Variants in PXDNL observed in about 807,000 individuals in gnomAD.
PXDNL encodes the protein peroxidasin like.
Under a neutral mutation model 150.8 loss-of-function variants are expected in PXDNL, and 145 were observed. That is an observed-to-expected ratio of 0.96 (90% confidence interval 0.84 to 1.10). The LOEUF (loss-of-function observed/expected upper bound fraction) is 1.10. Ranked by LOEUF, PXDNL falls within the 50% of genes least tolerant of loss-of-function variation. PXDNL has a pLI of 0.00. For synonymous variants in PXDNL, 757 were observed against 725.7 expected (o/e 1.04, Z -0.69); for missense variants, 2,087 against 1,873.9 (o/e 1.11, Z -2.10).
At chr8:51,712,227 G>C (rs920516300) in intron 1 of PXDNL, among the ~76,000 whole-genome samples, 2 of 151,952 alleles carry the variant, frequency 1.3e-5, no homozygotes, top group African/African-American at 4.8e-5. Flanking sequence ...CCTGAGGAGG[G>C]AACTCAGATA....
intron 21 of PXDNL, among the ~76,000 whole-genome samples, chr8:51,334,697 A>C (rs1805789094): frequency 6.6e-6 from 1 of 152,160 alleles, no homozygotes; most frequent in African/African-American, 2.4e-5. Context: ...ACACCTATAC[A>C]CATATAAAGT....
chr8:51,360,438 C>T (rs1276918573), intron 19 of PXDNL, among the ~76,000 whole-genome samples: 1 of 152,176 alleles, frequency 6.6e-6, no homozygotes, highest in Non-Finnish European at 1.5e-5. Context: ...GTGCACATAG[C>T]TATACATGCC....
intron 22 of PXDNL, 44 bp downstream of exon 22, chr8:51,320,740 A>G: frequency 1.5e-6 from 2 of 1,308,800 alleles, no homozygotes; most frequent in Middle Eastern, 1.8e-4. Flanking sequence ...CTGGCTGGCT[A>G]GAAGTGAAAT....
chr8:51,520,015 A>T (rs577610797), intron 4 of PXDNL, among the ~76,000 whole-genome samples: 9 of 152,222 alleles, frequency 5.9e-5, no homozygotes, highest in South Asian at 4.2e-4. Context: ...GGGAATTTGG[A>T]GGAGTTGCTG....
intron 4 of PXDNL, among the ~76,000 whole-genome samples, chr8:51,513,377 C>A (rs1811466934): frequency 6.6e-6 from 1 of 152,194 alleles, no homozygotes; most frequent in Admixed American, 6.5e-5. Context: ...CCACCCCGAG[C>A]ATGAAGGTGG....
intron 19 of PXDNL, among the ~76,000 whole-genome samples, chr8:51,360,296 C>A (rs1220131895): frequency 2.0e-5 from 3 of 152,130 alleles, no homozygotes; most frequent in African/African-American, 4.8e-5. Flanking sequence ...TGCATACACC[C>A]ATACATGTGC....
chr8:51,730,902 C>T (rs1816904446), intron 1 of PXDNL, among the ~76,000 whole-genome samples: 1 of 152,106 alleles, frequency 6.6e-6, no homozygotes, highest in Admixed American at 6.6e-5. Context: ...ACAAGAAAGA[C>T]CCACCCCCAT....
At chr8:51,727,172 C>T (rs1475863361) in intron 1 of PXDNL, among the ~76,000 whole-genome samples, 1 of 152,194 alleles carries the variant, frequency 6.6e-6, no homozygotes, top group South Asian at 2.1e-4. Context: ...TAAGTGCAGA[C>T]TAGGAACAAG....
At chr8:51,715,145 ACAACT>A (rs1816587806) in intron 1 of PXDNL, among the ~76,000 whole-genome samples, 1 of 152,240 alleles carries the variant, frequency 6.6e-6, no homozygotes, top group African/African-American at 2.4e-5. Context: ...TAAAACTCTG[ACAACT>A]CAACAACAAA....
chr8:51,773,451 A>T (rs1218289078), intron 1 of PXDNL, among the ~76,000 whole-genome samples: 1 of 152,160 alleles, frequency 6.6e-6, no homozygotes, highest in Non-Finnish European at 1.5e-5. Flanking sequence ...TCACTGCATA[A>T]TGCTACTAAT....
At chr8:51,335,854 C>T (rs1805819932) in intron 21 of PXDNL, among the ~76,000 whole-genome samples, 1 of 152,122 alleles carries the variant, frequency 6.6e-6, no homozygotes, top group African/African-American at 2.4e-5. Context: ...ATATAATTTA[C>T]TGGGCCCAAC....
At chr8:51,328,413 C>T (rs911332950) in intron 21 of PXDNL, among the ~76,000 whole-genome samples, 12 of 152,192 alleles carry the variant, frequency 7.9e-5, no homozygotes, top group African/African-American at 2.9e-4. Context: ...TTGAAGAATG[C>T]ACCCCTACAC....
chr8:51,717,409 A>G (rs1816636610), intron 1 of PXDNL, among the ~76,000 whole-genome samples: 1 of 152,212 alleles, frequency 6.6e-6, no homozygotes, highest in Non-Finnish European at 1.5e-5. Context: ...TGTCTTGCAA[A>G]AGAACTGCAG....
At chr8:51,532,088 T>A (rs1379648898) in intron 4 of PXDNL, among the ~76,000 whole-genome samples, 1 of 152,236 alleles carries the variant, frequency 6.6e-6, no homozygotes, top group African/African-American at 2.4e-5. Context: ...CTGTCTACGG[T>A]GCAGAATGCA....
At chr8:51,705,929 A>C (rs1272747042) in intron 1 of PXDNL, among the ~76,000 whole-genome samples, 2 of 152,250 alleles carry the variant, frequency 1.3e-5, no homozygotes, top group Non-Finnish European at 2.9e-5. Flanking sequence ...GCATTTCCAG[A>C]CAAAGTGGAA....
chr8:51,338,209 A>G (rs948856237), intron 21 of PXDNL, among the ~76,000 whole-genome samples: 2 of 151,396 alleles, frequency 1.3e-5, no homozygotes, highest in African/African-American at 4.9e-5. Context: ...AAAAGGGAAA[A>G]AAGATTCAGA....
In PXDNL at chr8:51,556,582, C is replaced by T. The variant is rs569503751; in HGVS notation, c.380+258G>A. Among the ~76,000 whole-genome samples the T allele has an allele frequency of 1.2e-4, 18 of 152,244 alleles. 1 individual carries two copies. Among genetic ancestry groups the T allele is most frequent in the South Asian group, 8.3e-4 (4 of 4,824 alleles). On this transcript the variant is annotated intron_variant, in intron 4 of 22. Transcript: ENST00000356297. ...TTCAGGATTTGGAAACAAAGGTTCA[C>T]GGAGGGTAAGTTGCCCAATGTCACA...
intron 21 of PXDNL, chr8:51,321,116 A>T (rs962984114): frequency 2.1e-5 from 9 of 437,766 alleles, no homozygotes; most frequent in African/African-American, 1.8e-4. Context: ...GTGTTAAAAA[A>T]TATTGAACAT....
chr8:51,432,934 G>A (rs770601511), intron 12 of PXDNL, among the ~76,000 whole-genome samples: 8 of 107,964 alleles, frequency 7.4e-5, no homozygotes, highest in African/African-American at 1.2e-4. Flanking sequence ...TCGGCCAGGC[G>A]CAGTGGCTCA....
Sources: gnomAD v4.1 joint callset for allele counts (sites outside exome capture counted in the v4.1 genomes callset) on GRCh38, gnomAD v4.1.1 for gene constraint, MANE v1.5 for transcripts, NCBI Gene and HGNC (gene_info 2026-07-23, HGNC 2026-07-21) for gene names.